Variants in DNAH8 observed in about 807,000 individuals in gnomAD.
DNAH8 encodes axonemal beta dynein heavy chain 8.
Under a neutral mutation model 562.1 loss-of-function variants are expected in DNAH8, and 382 were observed. The observed-to-expected ratio is 0.68, with a 90% CI of 0.63 to 0.74. DNAH8 has a LOEUF of 0.74. Ranked by LOEUF, DNAH8 falls within the 30% of genes least tolerant of loss-of-function variation. The probability of loss-of-function intolerance (pLI) is 0.00; values close to 1 mark genes in which losing one functional copy is unlikely to be tolerated. For synonymous variants in DNAH8, 1,881 were observed against 1,919.4 expected (o/e 0.98, Z 0.52); for missense variants, 5,203 against 5,620.4 (o/e 0.93, Z 2.37).
chr6:38,940,211 T>C (rs1049293520), intron 79 of DNAH8, among the ~76,000 whole-genome samples: 4 of 152,284 alleles, frequency 2.6e-5, no homozygotes, highest in Admixed American at 2.6e-4. Context: ...AGGAATACAT[T>C]CCTAACCTAG....
chr6:39,030,122 T>C lies in DNAH8; in HGVS notation c.13854T>C (p.Tyr4618=). The C allele has an allele frequency of 6.2e-7, 1 of 1,613,728 alleles. No individual in the cohort carries two copies. Among genetic ancestry groups the C allele is most frequent in the East Asian group, 2.2e-5 (1 of 44,886 alleles). The change falls in exon 93 of 93, where the codon TAT becomes TAC. Residue 4618 remains tyrosine (Y), a synonymous_variant. Transcript: ENST00000327475. ...TSPPGEGVYI[Y]GLYMDGAAWD... ...TCTTCCAGGAAGGTGTGTATATTTA[T>C]GGGCTCTACATGGATGGAGCAGCCT... is the stretch of plus-strand genomic sequence containing the variant.
intron 82 of DNAH8, among the ~76,000 whole-genome samples, chr6:38,960,978 T>C (rs761892923): frequency 6.6e-6 from 1 of 151,976 alleles, no homozygotes; most frequent in Non-Finnish European, 1.5e-5. Flanking sequence ...GCGGTACATA[T>C]ACACAATGGA....
At chr6:38,868,943 G>C (rs772791984) in intron 48 of DNAH8, among the ~76,000 whole-genome samples, 3 of 152,078 alleles carry the variant, frequency 2.0e-5, no homozygotes, top group Admixed American at 6.6e-5. Context: ...AAAGTGCTGG[G>C]ATTACAGGCA....
intron 21 of DNAH8, among the ~76,000 whole-genome samples, chr6:38,797,550 C>T (rs1770385827): frequency 6.6e-6 from 1 of 152,092 alleles, no homozygotes; most frequent in Non-Finnish European, 1.5e-5. Flanking sequence ...ATTTTAATTG[C>T]CCGTTTGTTT....
intron 9 of DNAH8, among the ~76,000 whole-genome samples, chr6:38,752,697 T>A (rs1043680904): frequency 2.6e-5 from 4 of 152,090 alleles, no homozygotes; most frequent in Non-Finnish European, 5.9e-5. Flanking sequence ...TTATAATCTT[T>A]CCAAGAGAGT....
At chr6:38,742,458 C>T (rs1265567139) in intron 8 of DNAH8, among the ~76,000 whole-genome samples, 2 of 151,870 alleles carry the variant, frequency 1.3e-5, no homozygotes, top group African/African-American at 4.8e-5. Flanking sequence ...CCCACCACCA[C>T]GCCCGGCTAA....
At chr6:38,884,358 T>A (rs1201224536) in intron 56 of DNAH8, among the ~76,000 whole-genome samples, 1 of 152,154 alleles carries the variant, frequency 6.6e-6, no homozygotes, top group South Asian at 2.1e-4. Context: ...AGTGGCATGA[T>A]CTCAGCTCAC....
chr6:39,008,785 C>T, intron 88 of DNAH8, 29 bp from the exon 89 acceptor site: 2 of 1,450,180 alleles, frequency 1.4e-6, no homozygotes, highest in African/African-American at 1.4e-5. Flanking sequence ...TTCCCTGTAA[C>T]ATTCTGAACA....
intron 7 of DNAH8, among the ~76,000 whole-genome samples, chr6:38,741,205 G>A (rs72858242): frequency 0.12 from 18,414 of 152,136 alleles, 1,356 homozygotes; most frequent in Admixed American, 0.22. Context: ...AGGAGTTTGA[G>A]ACCAGCTGGG....
chr6:38,831,864 G>A (rs529522216), intron 30 of DNAH8, among the ~76,000 whole-genome samples: 94 of 152,226 alleles, frequency 6.2e-4, no homozygotes, highest in African/African-American at 2.0e-3. Flanking sequence ...TATTATTGAA[G>A]GTTTAAGCAG....
At chr6:38,809,655 A>G (rs573905649) in intron 24 of DNAH8, among the ~76,000 whole-genome samples, 4 of 152,188 alleles carry the variant, frequency 2.6e-5, no homozygotes, top group Non-Finnish European at 5.9e-5. Context: ...GTGACGTTTT[A>G]TAAATCTCTG....
chr6:38,956,493 C>G (rs1165890267), intron 82 of DNAH8, among the ~76,000 whole-genome samples: 2 of 152,174 alleles, frequency 1.3e-5, no homozygotes, highest in Non-Finnish European at 2.9e-5. Flanking sequence ...CTTGCCAGCT[C>G]TGCCCCACGT....
intron 59 of DNAH8, among the ~76,000 whole-genome samples, chr6:38,895,752 C>G: frequency 6.6e-6 from 1 of 152,314 alleles, no homozygotes; most frequent in African/African-American, 2.4e-5. Context: ...AGAAAGAGGA[C>G]GCTCGTCCAC....
intron 57 of DNAH8, among the ~76,000 whole-genome samples, chr6:38,888,962 A>G (rs1454757330): frequency 2.6e-5 from 4 of 152,220 alleles, no homozygotes; most frequent in African/African-American, 4.8e-5. Context: ...CGGACATCAT[A>G]CAAGTATTCT....
chr6:38,738,080 T>C, intron 7 of DNAH8, 108 bp downstream of exon 7: 1 of 1,186,976 alleles, frequency 8.4e-7, no homozygotes, highest in Non-Finnish European at 1.2e-6. Flanking sequence ...TTTGACTTTC[T>C]TCCAGAATCT....
rs577870258 is a variant in DNAH8 at position 38,866,469 on chromosome 6, A to G, written c.6499-122A>G. On this transcript the variant is annotated intron_variant, in intron 45 of 92. Coordinates refer to ENST00000327475, the MANE Select transcript of DNAH8 (RefSeq NM_001206927.2). ...CATATTGTTTTGAGAAAACAAGAGTATTTTATGAATCTAATATTTTCAATA... is the reference window on the plus strand; with the variant it reads ...CATATTGTTTTGAGAAAACAAGAGTGTTTTATGAATCTAATATTTTCAATA... The G allele has an allele frequency of 1.4e-4, 94 of 673,752 alleles. 1 individual carries two copies. The highest frequency in any genetic ancestry group is 8.1e-5 in the Non-Finnish European group (33 of 404,980). The allele number at this position is 673,752 out of a possible 1,614,324, so 41.7% of individuals were successfully genotyped here.
At chr6:38,753,975 C>T (rs1271284163) in intron 9 of DNAH8, among the ~76,000 whole-genome samples, 1 of 152,104 alleles carries the variant, frequency 6.6e-6, no homozygotes, top group Non-Finnish European at 1.5e-5. Context: ...CCCTCATTTT[C>T]TTTATTCTGA....
At chr6:39,006,009 A>G (rs1271662814) in intron 88 of DNAH8, among the ~76,000 whole-genome samples, 1 of 152,252 alleles carries the variant, frequency 6.6e-6, no homozygotes, top group Non-Finnish European at 1.5e-5. Context: ...GGCCTCTAGT[A>G]GCTGAGAAGG....
At chr6:38,925,780 T>A (rs1255007221) in intron 73 of DNAH8, among the ~76,000 whole-genome samples, 2 of 152,188 alleles carry the variant, frequency 1.3e-5, no homozygotes, top group Admixed American at 6.5e-5. Flanking sequence ...CAACTTGCTA[T>A]GATTCCCCTA....
Sources: gnomAD v4.1 joint callset for allele counts (sites outside exome capture counted in the v4.1 genomes callset) on GRCh38, gnomAD v4.1.1 for gene constraint, MANE v1.5 for transcripts, NCBI Gene and HGNC (gene_info 2026-07-23, HGNC 2026-07-21) for gene names.